The following ZFAND3 variants were observed in gnomAD, a reference collection of about 807,000 sequenced individuals.
ZFAND3 encodes zinc finger AN1-type containing 3.
A neutral mutation model predicts 29.6 loss-of-function variants in ZFAND3; 10 were observed. The observed-to-expected ratio is 0.34, with a 90% CI of 0.21 to 0.57. The LOEUF (loss-of-function observed/expected upper bound fraction) is 0.57, where lower values mean the gene tolerates loss of function less well. ZFAND3 is among the 20% of genes least tolerant of loss of function. The pLI is 0.86. For missense variants in ZFAND3, 230 were observed against 304.5 expected, an observed-to-expected ratio of 0.76 and a Z score of 1.82; for synonymous variants, 128 against 112.6, an observed-to-expected ratio of 1.14 and a Z score of -0.87.
intron 4 of ZFAND3, among the ~76,000 whole-genome samples, chr6:38,103,653 A>C (rs1765152396): frequency 6.6e-6 from 1 of 152,126 alleles, no homozygotes; most frequent in South Asian, 2.1e-4. Flanking sequence ...GTAGAACTGA[A>C]GTTCTATCTA....
chr6:37,948,687 T>A (rs1761943221), intron 2 of ZFAND3, among the ~76,000 whole-genome samples: 1 of 152,242 alleles, frequency 6.6e-6, no homozygotes, highest in Non-Finnish European at 1.5e-5. Flanking sequence ...TAGCTTCCAC[T>A]TATAAGTGAG....
At chr6:38,149,012 C>A (rs961528643) in intron 5 of ZFAND3, among the ~76,000 whole-genome samples, 5 of 152,108 alleles carry the variant, frequency 3.3e-5, no homozygotes, top group African/African-American at 1.2e-4. Flanking sequence ...TTGCTACCAG[C>A]GCTGCTCCCA....
chr6:38,105,064 G>T (rs929602543), intron 4 of ZFAND3, among the ~76,000 whole-genome samples: 3 of 152,162 alleles, frequency 2.0e-5, no homozygotes, highest in East Asian at 1.9e-4. Flanking sequence ...TGAAATGCAG[G>T]TAGTAGCTAC....
At chr6:37,821,644 A>G (rs891406779) in intron 1 of ZFAND3, among the ~76,000 whole-genome samples, 2 of 152,158 alleles carry the variant, frequency 1.3e-5, no homozygotes, top group African/African-American at 4.8e-5. Context: ...CAAGCCTCAG[A>G]TTGTAACTCA....
chr6:37,906,644 A>G (rs1371977816), intron 1 of ZFAND3, among the ~76,000 whole-genome samples: 5 of 151,212 alleles, frequency 3.3e-5, no homozygotes, highest in African/African-American at 1.2e-4. Context: ...TTTACACTCC[A>G]TTAGCAATGT....
chr6:37,930,250 A>G (rs1393986551), intron 2 of ZFAND3, among the ~76,000 whole-genome samples: 1 of 152,128 alleles, frequency 6.6e-6, no homozygotes, highest in East Asian at 1.9e-4. Context: ...TCCTTGGTTT[A>G]CTGTTGTTGG....
At chr6:38,108,242 GA>G (rs1765245754) in intron 4 of ZFAND3, among the ~76,000 whole-genome samples, 2 of 152,174 alleles carry the variant, frequency 1.3e-5, no homozygotes, top group African/African-American at 4.8e-5. Flanking sequence ...GGTTCTGGGA[GA>G]AAAAAAGTAT....
intron 2 of ZFAND3, among the ~76,000 whole-genome samples, chr6:37,994,129 T>C (rs1303926442): frequency 1.3e-5 from 2 of 152,136 alleles, no homozygotes; most frequent in East Asian, 3.8e-4. Context: ...TGTGTGTGTG[T>C]GTGTGTGTTT....
In ZFAND3 at chr6:37,819,806, G is replaced by A; in HGVS notation, c.-140G>A. 2.0e-6 allele frequency: 1 copy of A among 498,004 alleles called. No homozygotes were observed. Among genetic ancestry groups the A allele is most frequent in the South Asian group, 8.4e-5 (1 of 11,858 alleles). The allele number at this position is 498,004 out of a possible 1,614,324, so 30.8% of individuals were successfully genotyped here. A position where few individuals can be genotyped will look rare whatever the true frequency, so the allele number is the denominator to read the frequency against. On this transcript the variant is annotated 5_prime_UTR_variant, in exon 1 of 6. Coordinates refer to ENST00000287218, the MANE Select transcript of ZFAND3 (RefSeq NM_021943.3). ...AATCCCGGCTCCGAGCCCCGGACTC[G>A]CGCCCGCCCGCGCGCCCGCTCCTTC...
chr6:38,126,525 G>A (rs188020248), intron 5 of ZFAND3, among the ~76,000 whole-genome samples: 1 of 152,166 alleles, frequency 6.6e-6, no homozygotes, highest in Admixed American at 6.5e-5. Context: ...ATGCATTAGG[G>A]TTCCAGTTTC....
At position 37,874,507 on chromosome 6, in the gene ZFAND3, T is replaced by TC. The variant is rs1221646230; in HGVS notation, c.71+54493dup. Among the ~76,000 whole-genome samples the TC allele has an allele frequency of 1.3e-4, 10 of 78,792 alleles. No homozygotes were observed. The East Asian group carries it at 3.4e-3, about 27-fold the overall frequency. 51.7% of individuals were successfully genotyped at this position (78,792 alleles called of 152,430 possible). A position where few individuals can be genotyped will look rare whatever the true frequency, so the allele number is the denominator to read the frequency against. ...CCAGCCTGGGCAACAAGAGTGAAAC[T>TC]CCGTCTCAAAAAAAAAAAAAAAAAA... On this transcript the variant is annotated intron_variant, in intron 1 of 5. Transcript: ENST00000287218.
intron 5 of ZFAND3, among the ~76,000 whole-genome samples, chr6:38,129,128 T>C (rs572824011): frequency 2.6e-5 from 4 of 152,336 alleles, no homozygotes; most frequent in African/African-American, 9.6e-5. Context: ...TTGTATATCT[T>C]CTTTTGAGAA....
intron 2 of ZFAND3, among the ~76,000 whole-genome samples, chr6:37,985,989 C>T (rs1304720710): frequency 1.3e-5 from 2 of 152,178 alleles, no homozygotes; most frequent in Non-Finnish European, 2.9e-5. Context: ...TGTCCCAAGA[C>T]TGAAACAGAT....
intron 2 of ZFAND3, among the ~76,000 whole-genome samples, chr6:38,013,132 CATTCCTA>C (rs1327303328): frequency 9.9e-5 from 15 of 152,172 alleles, no homozygotes; most frequent in Non-Finnish European, 2.1e-4. Context: ...TTATATATAT[CATTCCTA>C]ATTCCTAATA....
intron 1 of ZFAND3, among the ~76,000 whole-genome samples, chr6:37,840,100 T>G (rs1381862921): frequency 1.3e-5 from 2 of 151,810 alleles, no homozygotes; most frequent in East Asian, 4.1e-4. Flanking sequence ...AAGTTGGTTA[T>G]CTATTTTTTT....
intron 2 of ZFAND3, among the ~76,000 whole-genome samples, chr6:38,044,390 T>C (rs1301043328): frequency 2.0e-5 from 3 of 152,176 alleles, no homozygotes; most frequent in African/African-American, 7.2e-5. Flanking sequence ...TTTTTTTTTT[T>C]TAGATTGGCA....
intron 2 of ZFAND3, chr6:38,003,657 A>G (rs1233761422): frequency 3.3e-5 from 11 of 334,344 alleles, no homozygotes; most frequent in South Asian, 2.4e-4. Context: ...CACCACCACG[A>G]CCAGCTAATT....
At chr6:37,980,572 A>G (rs749780036) in intron 2 of ZFAND3, among the ~76,000 whole-genome samples, 6 of 152,170 alleles carry the variant, frequency 3.9e-5, no homozygotes, top group Non-Finnish European at 8.8e-5. Context: ...GCAAACTGCA[A>G]TGGGTGAGGA....
At chr6:38,101,005 A>G (rs979043478) in intron 4 of ZFAND3, among the ~76,000 whole-genome samples, 1 of 152,226 alleles carries the variant, frequency 6.6e-6, no homozygotes, top group South Asian at 2.1e-4. Flanking sequence ...CTACAGTACA[A>G]TTGTCAAAAT....
Sources: allele counts gnomAD v4.1 joint callset (sites outside exome capture counted in the v4.1 genomes callset), GRCh38; gene constraint gnomAD v4.1.1; transcripts MANE v1.5; gene names NCBI Gene and HGNC (gene_info 2026-07-23, HGNC 2026-07-21).